Variants in DNAAF6 observed in about 807,000 individuals in gnomAD.
The protein encoded by DNAAF6 is dynein axonemal assembly factor 6.
Under a neutral mutation model 13.7 loss-of-function variants are expected in DNAAF6, and 3 were observed. The ratio of observed to expected loss-of-function variants is 0.22; its 90% CI spans 0.10 to 0.56. The LOEUF (loss-of-function observed/expected upper bound fraction) is 0.56, where lower values mean the gene tolerates loss of function less well. Ranked by LOEUF, DNAAF6 falls within the 20% of genes least tolerant of loss-of-function variation. The pLI is 0.92. For missense variants in DNAAF6, 130 were observed against 151.0 expected (o/e 0.86, Z 0.73); for synonymous variants, 54 against 49.2 (o/e 1.10, Z -0.41).
At chrX:107,221,304 G>T (rs191835387) in intron 4 of DNAAF6, among the ~76,000 whole-genome samples, 1 of 107,151 alleles carries the variant, frequency 9.3e-6, no homozygotes, top group African/African-American at 3.4e-5. Context: ...GCCAACCACC[G>T]CCCCCCCGGC....
intron 2 of DNAAF6, among the ~76,000 whole-genome samples, chrX:107,215,249 C>T (rs1023854785): frequency 1.8e-5 from 2 of 111,138 alleles, no homozygotes; most frequent in Admixed American, 1.9e-4. Flanking sequence ...CTGAGCCAAT[C>T]ACTGTCCATG....
intron 5 of DNAAF6, among the ~76,000 whole-genome samples, chrX:107,224,251 A>G (rs1319210366): frequency 1.8e-5 from 2 of 111,883 alleles, no homozygotes; most frequent in Non-Finnish European, 3.8e-5. Context: ...AAACAATTAT[A>G]AGTCGAATAG....
chrX:107,232,793 A>T (rs757530665), intron 5 of DNAAF6, among the ~76,000 whole-genome samples: 2 of 110,893 alleles, frequency 1.8e-5, no homozygotes, highest in Admixed American at 9.6e-5. Context: ...CCCAGGCTGG[A>T]GTGCAGTAGT....
chrX:107,237,716 G>A (rs1418461520), intron 5 of DNAAF6, among the ~76,000 whole-genome samples: 1 of 112,167 alleles, frequency 8.9e-6, no homozygotes, highest in Non-Finnish European at 1.9e-5. Context: ...CGGGCGCGTG[G>A]CTTACCCCTG....
chrX:107,216,566 T>C (rs1326289827), intron 2 of DNAAF6, 105 bp from the exon 3 acceptor site: 11 of 476,828 alleles, frequency 2.3e-5, no homozygotes, highest in South Asian at 1.2e-4. Flanking sequence ...AGTGGAAAGC[T>C]CCATGAGTTT....
rs1927997139 is a variant in DNAAF6 at position 107,216,724 on chromosome X, C to T, written c.207C>T (p.Pro69=). The change falls in exon 3 of 7, where the codon CCC becomes CCT. Residue 69 remains proline (P), a synonymous_variant. Coordinates refer to ENST00000372453, the MANE Select transcript of DNAAF6 (RefSeq NM_173494.2). ...GAMGPGNIGP[P]QIEELKVIPE... The stretch of plus-strand genomic sequence containing the variant: ...TGGGTCCTGGGAATATTGGACCACC[C>T]CAAATAGAAGAGCTCAAAGGTAAGT... 4 of 1,190,764 alleles carry T rather than the reference C, an allele frequency of 3.4e-6. No individual in the cohort carries two copies. Among genetic ancestry groups the T allele is most frequent in the Non-Finnish European group, 4.5e-6 (4 of 881,251 alleles).
chrX:107,230,269 T>C (rs1928358105), intron 5 of DNAAF6, among the ~76,000 whole-genome samples: 1 of 112,013 alleles, frequency 8.9e-6, no homozygotes, highest in African/African-American at 3.2e-5. Context: ...TGCTATCATG[T>C]TACTAACGAT....
intron 5 of DNAAF6, among the ~76,000 whole-genome samples, chrX:107,236,260 C>T (rs1928511098): frequency 8.9e-6 from 1 of 112,351 alleles, no homozygotes; most frequent in African/African-American, 3.2e-5. Context: ...CTTAGTTTAC[C>T]TGTTAAAATA....
intron 5 of DNAAF6, among the ~76,000 whole-genome samples, chrX:107,236,460 G>A (rs778213842): frequency 1.8e-5 from 2 of 111,486 alleles, no homozygotes; most frequent in East Asian, 5.7e-4. Context: ...AAGTATTGCT[G>A]GAAAAATCTC....
chrX:107,224,984 C>T (rs1210812938), intron 5 of DNAAF6, among the ~76,000 whole-genome samples: 1 of 107,500 alleles, frequency 9.3e-6, no homozygotes. Context: ...AGGAAGAGAT[C>T]AACTTCAAGT....
chrX:107,213,436 TTTTAA>T (rs1318657653), intron 2 of DNAAF6, among the ~76,000 whole-genome samples: 1 of 112,214 alleles, frequency 8.9e-6, no homozygotes, highest in African/African-American at 3.2e-5. Flanking sequence ...TCCCTTAATT[TTTTAA>T]TTTGTCTACA....
chrX:107,229,125 C>CTATTTTTTTTTTTT (rs1569375032), intron 5 of DNAAF6, among the ~76,000 whole-genome samples: 1 of 57,799 alleles, frequency 1.7e-5, no homozygotes, highest in Non-Finnish European at 2.7e-5. Flanking sequence ...CTGTTGACTA[C>CTATTTTTTTTTTTT]TCTTTTTTTT....
rs1314614070 is a variant in DNAAF6, at chrX:107,213,093, A to G, written c.153+65A>G. The G allele has an allele frequency of 5.7e-6, 6 of 1,059,087 alleles. No homozygotes were observed. In the East Asian group the frequency reaches 1.9e-4, roughly 34 times the overall value. 87.3% of individuals were successfully genotyped at this position (1,059,087 alleles called of 1,213,427 possible). On this transcript the variant is annotated intron_variant, in intron 2 of 6. Coordinates refer to ENST00000372453, the MANE Select transcript of DNAAF6 (RefSeq NM_173494.2). ...GGAAGTTGTGGAACTGTATTTGAAT[A>G]ACCTGTTCCCACCTAGCTGTGGGAA...
intron 4 of DNAAF6, among the ~76,000 whole-genome samples, chrX:107,219,353 A>G (rs1349865118): frequency 9.0e-6 from 1 of 111,670 alleles, no homozygotes; most frequent in East Asian, 2.8e-4. Flanking sequence ...TAATTACTCA[A>G]TGTTCCACAA....
chrX:107,213,398 C>A (rs1927905815), intron 2 of DNAAF6, among the ~76,000 whole-genome samples: 1 of 111,875 alleles, frequency 8.9e-6, no homozygotes, highest in Non-Finnish European at 1.9e-5. Flanking sequence ...TTCAGTTATA[C>A]AGTATTAATT....
intron 5 of DNAAF6, among the ~76,000 whole-genome samples, chrX:107,227,971 T>C (rs1415708570): frequency 2.7e-5 from 3 of 111,208 alleles, no homozygotes; most frequent in African/African-American, 9.8e-5. Flanking sequence ...GTATCAGTAA[T>C]TTTACATTTT....
intron 2 of DNAAF6, among the ~76,000 whole-genome samples, chrX:107,215,488 T>G (rs1159092338): frequency 8.9e-6 from 1 of 112,035 alleles, no homozygotes; most frequent in Non-Finnish European, 1.9e-5. Flanking sequence ...TATCTTGGGA[T>G]TTTCACATAA....
At chrX:107,210,251 T>A (rs1210149773) in intron 1 of DNAAF6, among the ~76,000 whole-genome samples, 1 of 111,758 alleles carries the variant, frequency 8.9e-6, no homozygotes, top group Non-Finnish European at 1.9e-5. Flanking sequence ...ATTTTCTAAA[T>A]ACAAATCTCA....
At chrX:107,231,666 T>C (rs1008823925) in intron 5 of DNAAF6, among the ~76,000 whole-genome samples, 7 of 110,552 alleles carry the variant, frequency 6.3e-5, no homozygotes, top group Non-Finnish European at 1.1e-4. Flanking sequence ...TGCCACTAAG[T>C]ATTTTATGAA....
Sources: allele counts gnomAD v4.1 joint callset (sites outside exome capture counted in the v4.1 genomes callset), GRCh38; gene constraint gnomAD v4.1.1; transcripts MANE v1.5; gene names NCBI Gene and HGNC (gene_info 2026-07-23, HGNC 2026-07-21).